Variants in ANKS1B observed in about 807,000 individuals in gnomAD.
The protein encoded by ANKS1B is ankyrin repeat and sterile alpha motif domain containing 1B, also known as ankyrin repeat and sterile alpha motif domain-containing protein 1B.
In ANKS1B, 36 loss-of-function variants were observed where a neutral mutation model predicts 148.3. That is an observed-to-expected ratio of 0.24 (90% CI 0.19 to 0.32). The LOEUF is 0.32. Ranked by LOEUF, ANKS1B falls within the 10% of genes least tolerant of loss-of-function variation. ANKS1B has a pLI of 1.00. For missense variants in ANKS1B, 1,157 were observed against 1,542.6 expected, an observed-to-expected ratio of 0.75 and a Z score of 4.19; for synonymous variants, 542 against 560.8, an observed-to-expected ratio of 0.97 and a Z score of 0.47.
At chr12:98,794,856 A>C in intron 22 of ANKS1B, 2 of 1,604,186 alleles carry the variant, frequency 1.2e-6, no homozygotes, top group East Asian at 2.2e-5. Context: ...ATATCAAAGA[A>C]GTCAAGCAAA....
At chr12:99,934,788 T>G (rs1453189034) in intron 1 of ANKS1B, among the ~76,000 whole-genome samples, 3 of 152,134 alleles carry the variant, frequency 2.0e-5, no homozygotes, top group African/African-American at 7.2e-5. Flanking sequence ...AAGACATGGA[T>G]TCTTCAAACA....
intron 22 of ANKS1B, among the ~76,000 whole-genome samples, chr12:98,796,207 T>C (rs891927644): frequency 2.6e-5 from 4 of 152,224 alleles, no homozygotes; most frequent in East Asian, 3.8e-4. Context: ...TTGATCAGAA[T>C]TGGGAACCAC....
intron 12 of ANKS1B, among the ~76,000 whole-genome samples, chr12:99,379,617 A>T (rs957931810): frequency 6.6e-6 from 1 of 152,244 alleles, no homozygotes; most frequent in East Asian, 1.9e-4. Flanking sequence ...TGTTGAGTGA[A>T]GAAAATTGCT....
chr12:99,905,154 T>C (rs1349886113), intron 1 of ANKS1B, among the ~76,000 whole-genome samples: 1 of 152,182 alleles, frequency 6.6e-6, no homozygotes, highest in Non-Finnish European at 1.5e-5. Context: ...CTAGTCTGAA[T>C]TGAGGGTAAA....
At chr12:99,601,229 C>T (rs935699296) in intron 9 of ANKS1B, among the ~76,000 whole-genome samples, 1 of 152,020 alleles carries the variant, frequency 6.6e-6, no homozygotes, top group Non-Finnish European at 1.5e-5. Context: ...CCAAAATATA[C>T]ATCTGCCTTT....
intron 12 of ANKS1B, among the ~76,000 whole-genome samples, chr12:99,250,146 C>T (rs1294383464): frequency 6.6e-6 from 1 of 152,128 alleles, no homozygotes; most frequent in African/African-American, 2.4e-5. Flanking sequence ...ACACACAAAG[C>T]AGGTATAAGC....
chr12:98,783,609 A>C (rs2098758542), intron 22 of ANKS1B, among the ~76,000 whole-genome samples: 1 of 152,072 alleles, frequency 6.6e-6, no homozygotes, highest in Admixed American at 6.6e-5. Flanking sequence ...GATTGAGCTG[A>C]CTCTTGATGA....
At chr12:99,919,578 C>A (rs563127940) in intron 1 of ANKS1B, among the ~76,000 whole-genome samples, 1 of 151,884 alleles carries the variant, frequency 6.6e-6, no homozygotes, top group Non-Finnish European at 1.5e-5. Context: ...GCAGGTAGAC[C>A]CAGCCATAGG....
At chr12:99,422,923 G>C (rs2095136261) in intron 11 of ANKS1B, among the ~76,000 whole-genome samples, 1 of 152,160 alleles carries the variant, frequency 6.6e-6, no homozygotes. Context: ...TGTTTAGAGA[G>C]GCAGAGGAAT....
chr12:98,936,373 A>C (rs1023005503), intron 17 of ANKS1B, among the ~76,000 whole-genome samples: 3 of 152,220 alleles, frequency 2.0e-5, no homozygotes, highest in Admixed American at 2.0e-4. Flanking sequence ...TCATGCCTGT[A>C]ATCCCAGCAC....
At chr12:99,240,275 T>A (rs2089008074) in intron 14 of ANKS1B, among the ~76,000 whole-genome samples, 1 of 152,134 alleles carries the variant, frequency 6.6e-6, no homozygotes, top group Admixed American at 6.6e-5. Context: ...TAGTCTCTGA[T>A]AAAACAGATT....
At chr12:99,412,663 T>C (rs1373924367) in intron 11 of ANKS1B, among the ~76,000 whole-genome samples, 2 of 152,228 alleles carry the variant, frequency 1.3e-5, no homozygotes, top group African/African-American at 4.8e-5. Context: ...CTGCTATGAA[T>C]TTATTGTTAA....
chr12:99,851,337 G>A (rs569592665), intron 1 of ANKS1B, among the ~76,000 whole-genome samples: 3 of 151,942 alleles, frequency 2.0e-5, no homozygotes, highest in Non-Finnish European at 4.4e-5. Flanking sequence ...ATTCCCTCCA[G>A]TTCAACTCTT....
chr12:99,585,997 C>T (rs747067632), intron 9 of ANKS1B, among the ~76,000 whole-genome samples: 1 of 152,132 alleles, frequency 6.6e-6, no homozygotes, highest in Admixed American at 6.5e-5. Flanking sequence ...TAACATTTGA[C>T]TTCTCATTAT....
chr12:99,718,011 C>T (rs2057595909), intron 8 of ANKS1B, among the ~76,000 whole-genome samples: 2 of 147,978 alleles, frequency 1.4e-5, no homozygotes, highest in Admixed American at 7.0e-5. Context: ...TCACGCCATT[C>T]TCCTGCCTCA....
chr12:99,814,366 C>T (rs2068831114), intron 2 of ANKS1B, among the ~76,000 whole-genome samples: 1 of 151,590 alleles, frequency 6.6e-6, no homozygotes, highest in African/African-American at 2.4e-5. Context: ...AATAGTAAAG[C>T]ACTATACCAA....
chr12:98,924,949 C>T (rs1597035138), intron 17 of ANKS1B, among the ~76,000 whole-genome samples: 1 of 152,214 alleles, frequency 6.6e-6, no homozygotes, highest in East Asian at 1.9e-4. Flanking sequence ...GCTGAGCCTT[C>T]TCCAAAAAAT....
intron 14 of ANKS1B, among the ~76,000 whole-genome samples, chr12:99,164,187 A>G (rs921193515): frequency 3.9e-5 from 6 of 152,104 alleles, no homozygotes; most frequent in African/African-American, 1.4e-4. Context: ...CTTTTTATCA[A>G]TTTTTTTATG....
chr12:98,876,323 G>A (rs1428401782), intron 17 of ANKS1B, among the ~76,000 whole-genome samples: 2 of 152,124 alleles, frequency 1.3e-5, no homozygotes, highest in Non-Finnish European at 2.9e-5. Context: ...CAGGTTTCCT[G>A]GTGAATTCCT....
Sources: allele counts gnomAD v4.1 joint callset (sites outside exome capture counted in the v4.1 genomes callset), GRCh38; gene constraint gnomAD v4.1.1; transcripts MANE v1.5; gene names NCBI Gene and HGNC (gene_info 2026-07-23, HGNC 2026-07-21).